Variants in TNFAIP1 observed in about 807,000 individuals in gnomAD.
TNFAIP1 encodes TNF alpha induced protein 1, also known as BTB/POZ domain-containing adapter for CUL3-mediated RhoA degradation protein 2.
Under a neutral mutation model 32.6 loss-of-function variants are expected in TNFAIP1, and 20 were observed. That is an observed-to-expected ratio of 0.61 (90% CI 0.43 to 0.89). The LOEUF (loss-of-function observed/expected upper bound fraction) is 0.89. Ranked by LOEUF, TNFAIP1 falls within the 40% of genes least tolerant of loss-of-function variation. The pLI is 0.00. For missense variants in TNFAIP1, 319 were observed against 425.1 expected (o/e 0.75, Z 2.20); for synonymous variants, 166 against 166.8 (o/e 1.00, Z 0.04).
At chr17:28,338,678 T>C (rs1907254512) in intron 1 of TNFAIP1, among the ~76,000 whole-genome samples, 1 of 152,020 alleles carries the variant, frequency 6.6e-6, no homozygotes, top group South Asian at 2.1e-4. Context: ...CTCTGGCTCC[T>C]GGGAAACTCC....
intron 1 of TNFAIP1, among the ~76,000 whole-genome samples, chr17:28,339,143 T>G (rs1467424160): frequency 1.5e-5 from 2 of 136,776 alleles, no homozygotes; most frequent in African/African-American, 2.8e-5. Context: ...GAGGCTGAGG[T>G]GGGAGGATCA....
At chr17:28,344,298 C>T (rs1209978704) in intron 6 of TNFAIP1, 66 bp from the exon 7 acceptor site, 53 of 1,439,302 alleles carry the variant, frequency 3.7e-5, no homozygotes, top group South Asian at 9.3e-5. Context: ...CAGGGCCAGC[C>T]GCTCTGACGC....
rs782402254 is a variant in TNFAIP1, at chr17:28,342,314, C to T, written c.586C>T (p.Arg196Cys). The T allele has an allele frequency of 2.5e-6, 4 of 1,604,384 alleles. No individual in the cohort carries two copies. The highest frequency in any genetic ancestry group is 3.4e-6 in the Non-Finnish European group (4 of 1,171,742). Reference protein sequence around the residue: ...FDKLSLRFNGRVLFIKDVIGD... With the variant: ...FDKLSLRFNGCVLFIKDVIGD... ...CAAGCTCTCCCTGCGCTTCAACGGC[C>T]GCGTGCTCTTCATCAAGGATGTCAT... Residue 196 changes from arginine to cysteine, a missense_variant, in exon 6 of 7, where the codon CGC becomes TGC. Coordinates refer to ENST00000226225, the MANE Select transcript of TNFAIP1 (RefSeq NM_021137.5). This position sits in a 1 kb window ranked among gnomAD's most constrained non-coding sequence, Gnocchi z 4.0.
Position 28,336,365 on chromosome 17 carries a change from T to A in TNFAIP1, c.-115+509T>A, listed in dbSNP as rs1432314723. ...CTGTGGCTATCAGTGGAAACTTCAT[T>A]CTCACTGGAATTACTTTCTGGGGCG... On this transcript the variant is annotated intron_variant, in intron 1 of 6. Transcript: ENST00000226225. 3 of 152,278 alleles carry A rather than the reference T, an allele frequency of 2.0e-5. No individual in the cohort carries two copies. In the East Asian group the frequency reaches 5.8e-4, roughly 29 times the overall value. 9.4% of individuals were successfully genotyped at this position (152,278 alleles called of 1,614,324 possible).
rs1567787058 is a variant in TNFAIP1, at chr17:28,342,242, T to C, written c.519-5T>C. 6.3e-7 allele frequency: 1 copy of C among 1,575,210 alleles called. No individual in the cohort carries two copies. Among genetic ancestry groups the C allele is most frequent in the Middle Eastern group, 1.7e-4 (1 of 5,918 alleles). On this transcript the variant is annotated splice_polypyrimidine_tract_variant and splice_region_variant and intron_variant, in intron 5 of 6. Transcript: ENST00000226225. This position sits in a 1 kb window ranked among gnomAD's most constrained non-coding sequence, Gnocchi z 4.0. ...CCAGCCGCTTGGCCCTCATGTTTTT[T>C]TCAGCAACTCTGACGACCACCTGCT... is the stretch of plus-strand genomic sequence containing the variant.
chr17:28,341,123 G>A lies in TNFAIP1; in HGVS notation c.376-114G>A, dbSNP rs75013321. 5.1e-4 allele frequency: 556 copies of A among 1,098,094 alleles called. 3 individuals carry two copies. In the East Asian group the frequency reaches 0.012, roughly 24 times the overall value. 68.0% of individuals were successfully genotyped at this position (1,098,094 alleles called of 1,614,324 possible). ...GTCAGGGGCCTCATGATCTGTATCT[G>A]ACACTTCCTCACCAAGCAGCGGGTG... On this transcript the variant is annotated intron_variant, in intron 3 of 6. Coordinates refer to ENST00000226225, the MANE Select transcript of TNFAIP1 (RefSeq NM_021137.5).
rs1555578415 is a variant in TNFAIP1 at position 28,342,941 on chromosome 17, C to T, written c.714+499C>T. Among the ~76,000 whole-genome samples, 2 of 152,192 alleles carry T rather than the reference C, an allele frequency of 1.3e-5. No individual in the cohort carries two copies. Among genetic ancestry groups the T allele is most frequent in the Non-Finnish European group, 2.9e-5 (2 of 68,046 alleles). Reference sequence around the variant, plus strand: ...AGATCTCCTGTCTGAGCCAGGGACACAGGTGGGCACAGCACTTGAGCCCAG... The same window carrying T: ...AGATCTCCTGTCTGAGCCAGGGACATAGGTGGGCACAGCACTTGAGCCCAG... On this transcript the variant is annotated intron_variant, in intron 6 of 6. Coordinates refer to ENST00000226225, the MANE Select transcript of TNFAIP1 (RefSeq NM_021137.5). The surrounding 1 kb of genome is among the most constrained non-coding windows in gnomAD (Gnocchi z 4.0).
Position 28,345,107 on chromosome 17 carries a change from T to C in TNFAIP1, c.*507T>C, listed in dbSNP as rs1396809411. ...TAATGAGGAAACTGAGCATTTCTTTTGCCCTCCAGGGTGCCAAGACCCTAC... is the reference window on the plus strand; with the variant it reads ...TAATGAGGAAACTGAGCATTTCTTTCGCCCTCCAGGGTGCCAAGACCCTAC... On this transcript the variant is annotated 3_prime_UTR_variant, in exon 7 of 7. Transcript: ENST00000226225. 5.8e-6 allele frequency: 1 copy of C among 171,892 alleles called. No homozygotes were observed. Among genetic ancestry groups the C allele is most frequent in the Non-Finnish European group, 1.3e-5 (1 of 77,752 alleles). The allele number at this position is 171,892 out of a possible 1,614,324, so 10.6% of individuals were successfully genotyped here.
Position 28,339,651 on chromosome 17 carries a change from C to T in TNFAIP1, c.130C>T (p.Arg44Trp), listed in dbSNP as rs188075311. 1.4e-4 allele frequency: 232 copies of T among 1,613,312 alleles called. No individual in the cohort carries two copies. Among genetic ancestry groups the T allele is most frequent in the Non-Finnish European group, 1.9e-4 (219 of 1,179,992 alleles). Residue 44 changes from arginine to tryptophan, a missense_variant, in exon 2 of 7, where the codon CGG becomes TGG. Arg to Trp is a moderately radical substitution (Grantham distance 101). Transcript: ENST00000226225. ...VGGSLYYTTV[R>W]ALTRHDTMLK... ...CGGCTCTCTGTACTACACCACTGTG[C>T]GGGCCCTGACCCGCCACGACACCAT... is the stretch of plus-strand genomic sequence containing the variant.
chr17:28,344,654 C>A lies in TNFAIP1; in HGVS notation c.*54C>A. 1 of 1,571,326 alleles carries A rather than the reference C, an allele frequency of 6.4e-7. No individual in the cohort carries two copies. On this transcript the variant is annotated 3_prime_UTR_variant, in exon 7 of 7. Coordinates refer to ENST00000226225, the MANE Select transcript of TNFAIP1 (RefSeq NM_021137.5). ...AGGCCCTATCTCCCATCCTGTGGAA[C>A]CCGCCCCATTGGCCACCCCATGCTG... is the stretch of plus-strand genomic sequence containing the variant.
chr17:28,341,518 C>T, intron 5 of TNFAIP1, 62 bp downstream of exon 5: 1 of 1,587,306 alleles, frequency 6.3e-7, no homozygotes. Context: ...ACTGCCTGTA[C>T]TCCCAGCACG....
Position 28,344,752 on chromosome 17 carries a change from G to T in TNFAIP1, c.*152G>T. The T allele has an allele frequency of 1.4e-6, 1 of 736,744 alleles. No homozygotes were observed. Among genetic ancestry groups the T allele is most frequent in the South Asian group, 1.7e-5 (1 of 57,928 alleles). The allele number at this position is 736,744 out of a possible 1,614,324, so 45.6% of individuals were successfully genotyped here. A position where few individuals can be genotyped will look rare whatever the true frequency, so the allele number is the denominator to read the frequency against. On this transcript the variant is annotated 3_prime_UTR_variant, in exon 7 of 7. Transcript: ENST00000226225. ...GCTCAGAGGTCAGAGGGTCTGGGCA[G>T]AGGAGGGACCACATTCCCCTGCCTT...
chr17:28,337,845 A>T (rs1907230695), intron 1 of TNFAIP1, among the ~76,000 whole-genome samples: 1 of 152,108 alleles, frequency 6.6e-6, no homozygotes. Flanking sequence ...TATTGCATTT[A>T]TCAGGTTCTG....
rs781956314 is a variant in TNFAIP1 at position 28,342,330 on chromosome 17, A to G, written c.602A>G (p.Lys201Arg). 1 of 1,607,012 alleles carries G rather than the reference A, an allele frequency of 6.2e-7. No individual in the cohort carries two copies. The highest frequency in any genetic ancestry group is 1.7e-5 in the Admixed American group (1 of 59,946). The change falls in exon 6 of 7, where the codon AAG (lysine) becomes AGG (arginine). Residue 201 changes from lysine to arginine, a missense_variant. Transcript: ENST00000226225. The surrounding 1 kb of genome is among the most constrained non-coding windows in gnomAD (Gnocchi z 4.0). ...LRFNGRVLFI[K>R]DVIGDEICCW... ...TTCAACGGCCGCGTGCTCTTCATCA[A>G]GGATGTCATTGGTGACGAGATCTGC...
rs1177814022 is a variant in TNFAIP1, at chr17:28,340,490, G to A, written c.375+12G>A. The stretch of plus-strand genomic sequence containing the variant: ...AGAGTGCCCTGCAGGTACATGGGTG[G>A]GGCGGAGCAGGGCGGGCAGATGAGG... On this transcript the variant is annotated intron_variant, in intron 3 of 6. Transcript: ENST00000226225. This position sits in a 1 kb window ranked among gnomAD's most constrained non-coding sequence, Gnocchi z 4.1. The A allele has an allele frequency of 6.2e-7, 1 of 1,613,150 alleles. No individual in the cohort carries two copies. The highest frequency in any genetic ancestry group is 2.2e-5 in the East Asian group (1 of 44,834).
chr17:28,339,578 C>G lies in TNFAIP1; in HGVS notation c.57C>G (p.Gly19=). ...CAGGGGCCAAGCCCAAGCTCAGTGG[C>G]TTCAAGGGAGGAGGGTTGGGCAACA... is the stretch of plus-strand genomic sequence containing the variant. ...PASGAKPKLS[G]FKGGGLGNKY... The change falls in exon 2 of 7, where the codon GGC becomes GGG. Residue 19 remains glycine (G), a synonymous_variant. Transcript: ENST00000226225. 6.2e-7 allele frequency: 1 copy of G among 1,613,706 alleles called. No homozygotes were observed. Among genetic ancestry groups the G allele is most frequent in the Non-Finnish European group, 8.5e-7 (1 of 1,179,800 alleles).
chr17:28,344,594 C>A lies in TNFAIP1; in HGVS notation c.945C>A (p.Arg315=), dbSNP rs782728946. Residue 315 remains arginine (R), a synonymous_variant, in exon 7 of 7, where the codon CGC becomes CGA. Transcript: ENST00000226225. ...DRQLGHQSTH[R]D ...AGCTCGGCCACCAGTCTACCCATCG[C>A]GACTGACCAGACCCTCAGGGAGTCA... is the stretch of plus-strand genomic sequence containing the variant. 3 of 1,612,320 alleles carry A rather than the reference C, an allele frequency of 1.9e-6. No individual in the cohort carries two copies. The highest frequency in any genetic ancestry group is 2.2e-5 in the East Asian group (1 of 44,886).
Position 28,341,386 on chromosome 17 carries a change from C to T in TNFAIP1, c.466-18C>T. ...GCCAGTCCCCTGGCCTGGCCCCTCA[C>T]TCTGAACTCCTTCACAGCCCGTGGT... is the stretch of plus-strand genomic sequence containing the variant. On this transcript the variant is annotated intron_variant, in intron 4 of 6. Coordinates refer to ENST00000226225, the MANE Select transcript of TNFAIP1 (RefSeq NM_021137.5). 1.9e-6 allele frequency: 3 copies of T among 1,614,262 alleles called. No individual in the cohort carries two copies. Among genetic ancestry groups the T allele is most frequent in the Non-Finnish European group, 2.5e-6 (3 of 1,180,048 alleles).
In TNFAIP1 at chr17:28,340,588, G is replaced by A; in HGVS notation, c.375+110G>A. The A allele has an allele frequency of 7.7e-7, 1 of 1,302,520 alleles. No homozygotes were observed. The highest frequency in any genetic ancestry group is 1.1e-6 in the Non-Finnish European group (1 of 934,750). 80.7% of individuals were successfully genotyped at this position (1,302,520 alleles called of 1,614,324 possible). On this transcript the variant is annotated intron_variant, in intron 3 of 6. Coordinates refer to ENST00000226225, the MANE Select transcript of TNFAIP1 (RefSeq NM_021137.5). This position sits in a 1 kb window ranked among gnomAD's most constrained non-coding sequence, Gnocchi z 4.1. ...AGGTTGTGTGGGAGGCGTGGTTGATGAGTGCAAACCTAATGAGACAAGTGA... is the reference window on the plus strand; with the variant it reads ...AGGTTGTGTGGGAGGCGTGGTTGATAAGTGCAAACCTAATGAGACAAGTGA...
Sources: allele counts gnomAD v4.1 joint callset (sites outside exome capture counted in the v4.1 genomes callset), GRCh38; gene constraint gnomAD v4.1.1; non-coding constraint Gnocchi (gnomAD v3.1); transcripts MANE v1.5; gene names NCBI Gene and HGNC (gene_info 2026-07-23, HGNC 2026-07-21).